The following ZNF385D variants were observed in gnomAD, a reference collection of about 807,000 sequenced individuals.
The protein encoded by ZNF385D is zinc finger protein 385D, also known as zinc finger protein 659.
A neutral mutation model predicts 35.8 loss-of-function variants in ZNF385D; 15 were observed. The observed-to-expected ratio is 0.42, with a 90% CI of 0.28 to 0.64. The LOEUF is 0.64. ZNF385D is among the 30% of genes least tolerant of loss of function. The pLI is 0.23. For missense variants in ZNF385D, 474 were observed against 494.6 expected, an observed-to-expected ratio of 0.96 and a Z score of 0.39; for synonymous variants, 212 against 186.8, an observed-to-expected ratio of 1.13 and a Z score of -1.10.
intron 3 of ZNF385D, among the ~76,000 whole-genome samples, chr3:22,160,629 A>T (rs993820009): frequency 3.9e-5 from 6 of 152,112 alleles, no homozygotes; most frequent in African/African-American, 1.4e-4. Context: ...CTGTTAAATG[A>T]AAGAAAATTT....
intron 2 of ZNF385D, among the ~76,000 whole-genome samples, chr3:22,329,506 A>G: frequency 6.6e-6 from 1 of 151,456 alleles, no homozygotes; most frequent in African/African-American, 2.5e-5. Flanking sequence ...TACTTACTTT[A>G]TTTATCTTAA....
chr3:21,921,191 C>G (rs912144158), intron 3 of ZNF385D, among the ~76,000 whole-genome samples: 2 of 137,472 alleles, frequency 1.5e-5, no homozygotes, highest in African/African-American at 5.4e-5. Context: ...CCACCGCACT[C>G]CAGCCTGGGC....
In ZNF385D at chr3:22,006,566, C is replaced by T. The variant is rs1331065690; in HGVS notation, c.325+162251G>A. On this transcript the variant is annotated intron_variant, in intron 3 of 5. Coordinates refer to the ZNF385D transcript ENST00000494108. ...ATAGGAAAGATAAAAAGTCGGATCA[C>T]AGATGGAAAATGGACAATAAAGTAT... Among the ~76,000 whole-genome samples, 3 of 151,806 alleles carry T rather than the reference C, an allele frequency of 2.0e-5. No homozygotes were observed. The East Asian group carries it at 5.8e-4, about 29-fold the overall frequency.
chr3:21,664,082 T>C lies in ZNF385D; in HGVS notation c.165+804A>G, dbSNP rs79713481. Among the ~76,000 whole-genome samples the C allele has an allele frequency of 6.7e-5, 10 of 149,672 alleles. No homozygotes were observed. The East Asian group carries it at 2.0e-3, about 30-fold the overall frequency. On this transcript the variant is annotated intron_variant, in intron 2 of 7. Coordinates refer to ENST00000281523, the MANE Select transcript of ZNF385D (RefSeq NM_024697.3). ...CAGACTTGCCTTTTAACAACCACTG[T>C]TGTTATCTGAAGGCTGAAAAGATAA...
intron 2 of ZNF385D, among the ~76,000 whole-genome samples, chr3:22,318,883 A>G (rs1317220757): frequency 6.6e-6 from 1 of 152,168 alleles, no homozygotes; most frequent in African/African-American, 2.4e-5. Flanking sequence ...GAAAATCAAA[A>G]TTTGGTAGCT....
At chr3:21,978,387 C>T (rs962996341) in intron 3 of ZNF385D, 8 of 152,196 alleles carry the variant, frequency 5.3e-5, no homozygotes, top group African/African-American at 1.7e-4. Context: ...ATTAGATATG[C>T]TACGTGTTTT....
At chr3:21,731,678 C>A (rs528629465) in intron 1 of ZNF385D, among the ~76,000 whole-genome samples, 56 of 152,246 alleles carry the variant, frequency 3.7e-4, no homozygotes, top group Non-Finnish European at 7.5e-4. Context: ...TGTCCTATAA[C>A]CCCTGGCAAT....
intron 3 of ZNF385D, among the ~76,000 whole-genome samples, chr3:21,864,154 T>A (rs1036201160): frequency 2.6e-5 from 4 of 152,126 alleles, no homozygotes; most frequent in African/African-American, 7.2e-5. Flanking sequence ...CATTTTACAG[T>A]TGAATTCTCA....
At chr3:22,182,376 A>G (rs972425858) in intron 2 of ZNF385D, among the ~76,000 whole-genome samples, 1 of 152,148 alleles carries the variant, frequency 6.6e-6, no homozygotes, top group Non-Finnish European at 1.5e-5. Flanking sequence ...TACTTGAGTA[A>G]AAGTTGAAAG....
At chr3:21,971,893 T>C (rs949089142) in intron 3 of ZNF385D, among the ~76,000 whole-genome samples, 1 of 151,730 alleles carries the variant, frequency 6.6e-6, no homozygotes, top group Non-Finnish European at 1.5e-5. Context: ...GATAAAGGGA[T>C]GAATAAGGAG....
intron 1 of ZNF385D, among the ~76,000 whole-genome samples, chr3:21,671,187 G>A (rs1047976366): frequency 5.9e-5 from 9 of 151,884 alleles, no homozygotes; most frequent in East Asian, 3.9e-4. Flanking sequence ...TGTTCCCTTC[G>A]TCCCTTCCTT....
chr3:21,490,268 A>C (rs161201), intron 4 of ZNF385D, among the ~76,000 whole-genome samples: 123,134 of 152,112 alleles, frequency 0.81, 50,127 homozygotes, highest in African/African-American at 0.89. Context: ...TAGGCTCAAG[A>C]AATCCTCCTA....
chr3:22,266,678 A>G (rs1229447252), intron 2 of ZNF385D, among the ~76,000 whole-genome samples: 3 of 151,916 alleles, frequency 2.0e-5, no homozygotes, highest in Non-Finnish European at 4.4e-5. Flanking sequence ...TTCTGGTACA[A>G]AGGTATTCTT....
At chr3:21,738,117 T>C (rs2069335468) in intron 1 of ZNF385D, among the ~76,000 whole-genome samples, 1 of 152,240 alleles carries the variant, frequency 6.6e-6, no homozygotes, top group Non-Finnish European at 1.5e-5. Flanking sequence ...AGGGGGCTGC[T>C]TGGCTTGTAC....
At chr3:22,139,257 A>T (rs1203649055) in intron 3 of ZNF385D, among the ~76,000 whole-genome samples, 1 of 152,206 alleles carries the variant, frequency 6.6e-6, no homozygotes, top group African/African-American at 2.4e-5. Context: ...CAGCCATCCC[A>T]TTACTGGGTA....
chr3:22,230,047 C>T (rs538048814), intron 2 of ZNF385D, among the ~76,000 whole-genome samples: 46 of 152,300 alleles, frequency 3.0e-4, no homozygotes, highest in Admixed American at 2.1e-3. Context: ...TCTTGATAGA[C>T]TTAGATAATC....
At chr3:21,673,383 C>T (rs975842233) in intron 1 of ZNF385D, among the ~76,000 whole-genome samples, 1 of 152,144 alleles carries the variant, frequency 6.6e-6, no homozygotes, top group African/African-American at 2.4e-5. Context: ...TGCTATTGGA[C>T]ATTACAGCTC....
chr3:22,024,851 T>C (rs1697439253), intron 3 of ZNF385D, among the ~76,000 whole-genome samples: 1 of 152,098 alleles, frequency 6.6e-6, no homozygotes, highest in East Asian at 1.9e-4. Context: ...AGGGATTCTG[T>C]CTCCCAGCTT....
At chr3:21,722,645 C>T (rs1199346301) in intron 1 of ZNF385D, among the ~76,000 whole-genome samples, 1 of 152,246 alleles carries the variant, frequency 6.6e-6, no homozygotes, top group Middle Eastern at 3.2e-3. Context: ...CATTCCATGT[C>T]TCACACCTCA....
Sources: gnomAD v4.1 joint callset for allele counts (sites outside exome capture counted in the v4.1 genomes callset) on GRCh38, gnomAD v4.1.1 for gene constraint, MANE v1.5 for transcripts, NCBI Gene and HGNC (gene_info 2026-07-23, HGNC 2026-07-21) for gene names.